SCN10A: variants seen among roughly 807,000 people sequenced by gnomAD.
SCN10A encodes sodium channel protein type 10 subunit alpha.
SCN10A carries 162 observed loss-of-function variants against 170.7 expected under a neutral mutation model. That is an observed-to-expected ratio of 0.95 (90% CI 0.84 to 1.08). The LOEUF is 1.08. Among genes scored for constraint, SCN10A ranks in the 50% least tolerant of loss-of-function variants. The pLI, the probability that SCN10A is intolerant of heterozygous loss-of-function variation, is 0.00. For synonymous variants in SCN10A, 985 were observed against 904.6 expected, an observed-to-expected ratio of 1.09 and a Z score of -1.59; for missense variants, 2,527 against 2,436.9, an observed-to-expected ratio of 1.04 and a Z score of -0.78.
At chr3:38,801,066 G>A (rs907143886) in intron 1 of SCN10A, among the ~76,000 whole-genome samples, 4 of 152,162 alleles carry the variant, frequency 2.6e-5, no homozygotes, top group African/African-American at 9.7e-5. Context: ...GTGAATAAGG[G>A]TGACAGTGAG....
At chr3:38,743,732 C>T (rs1371726084) in intron 13 of SCN10A, among the ~76,000 whole-genome samples, 2 of 152,100 alleles carry the variant, frequency 1.3e-5, no homozygotes, top group East Asian at 3.9e-4. Flanking sequence ...TTTTGTCTCC[C>T]TTTTCCTTTC....
chr3:38,806,199 A>G (rs2064403519), intron 1 of SCN10A, among the ~76,000 whole-genome samples: 1 of 152,192 alleles, frequency 6.6e-6, no homozygotes, highest in South Asian at 2.1e-4. Context: ...AGTTTGGAGA[A>G]GAAAGTGCCT....
chr3:38,787,824 C>T (rs2064226248), intron 4 of SCN10A, among the ~76,000 whole-genome samples: 1 of 151,662 alleles, frequency 6.6e-6, no homozygotes, highest in South Asian at 2.1e-4. Flanking sequence ...CTCCCCTAGC[C>T]CCCCACCCCT....
intron 15 of SCN10A, among the ~76,000 whole-genome samples, chr3:38,736,973 T>TTTTTTTTTTTTTTTTTTTTG (rs2063570110): frequency 1.0e-5 from 1 of 100,198 alleles, no homozygotes. Context: ...GTTTTTTTTT[T>TTTTTTTTTTTTTTTTTTTTG]TTTTTTTTTT....
chr3:38,762,543 C>T (rs1195021260), intron 6 of SCN10A, among the ~76,000 whole-genome samples: 1 of 152,150 alleles, frequency 6.6e-6, no homozygotes, highest in East Asian at 1.9e-4. Context: ...ATTTGCAGAA[C>T]CGTAGGTGGA....
At position 38,712,285 on chromosome 3, in the gene SCN10A, G is replaced by A. The variant is rs1295637022; in HGVS notation, c.3965C>T (p.Pro1322Leu). 1.9e-6 allele frequency: 3 copies of A among 1,614,044 alleles called. No homozygotes were observed. Among genetic ancestry groups the A allele is most frequent in the Non-Finnish European group, 2.5e-6 (3 of 1,180,020 alleles). ...AGACTTGTTATTCACAATCGACAAA[G>A]GTACAAGGGAAAACTCTCCATCGGT... ...NYTDGEFSLV[P>L]LSIVNNKSDC... Residue 1322 changes from proline (P) to leucine (L), a missense_variant, in exon 23 of 28, where the codon CCT (proline) becomes CTT (leucine). Pro to Leu is a moderately conservative substitution (Grantham distance 98). Coordinates refer to ENST00000449082, the MANE Select transcript of SCN10A (RefSeq NM_006514.4).
intron 4 of SCN10A, among the ~76,000 whole-genome samples, chr3:38,788,057 T>C (rs1249682305): frequency 2.0e-5 from 3 of 152,028 alleles, no homozygotes; most frequent in Non-Finnish European, 4.4e-5. Context: ...TATTCCCTTC[T>C]ATTTCAACTT....
intron 16 of SCN10A, among the ~76,000 whole-genome samples, chr3:38,727,925 G>T (rs946391637): frequency 2.0e-5 from 3 of 152,152 alleles, no homozygotes. Context: ...ACATGGAGTA[G>T]ATTTTGTTAT....
intron 4 of SCN10A, among the ~76,000 whole-genome samples, chr3:38,782,157 T>C (rs2064145993): frequency 6.6e-6 from 1 of 152,126 alleles, no homozygotes. Context: ...TCTTTATTTG[T>C]CAACTTTAAA....
intron 13 of SCN10A, among the ~76,000 whole-genome samples, chr3:38,745,838 T>A (rs2063679994): frequency 1.3e-5 from 2 of 151,928 alleles, no homozygotes; most frequent in Admixed American, 1.3e-4. Flanking sequence ...TTCTTCTAGA[T>A]CTTTTCCTAT....
At chr3:38,751,025 C>A (rs749045802) in intron 12 of SCN10A, among the ~76,000 whole-genome samples, 6 of 152,178 alleles carry the variant, frequency 3.9e-5, no homozygotes, top group Non-Finnish European at 7.3e-5. Flanking sequence ...GGGAGGGAGA[C>A]CTGTACAAAA....
intron 25 of SCN10A, among the ~76,000 whole-genome samples, chr3:38,709,274 T>A (rs1407224488): frequency 1.3e-5 from 2 of 152,066 alleles, no homozygotes; most frequent in African/African-American, 4.8e-5. Context: ...GAATCCTGAG[T>A]GAGGATGTTA....
intron 23 of SCN10A, among the ~76,000 whole-genome samples, chr3:38,711,299 A>T (rs11710006): frequency 0.25 from 38,479 of 152,102 alleles, 5,037 homozygotes; most frequent in East Asian, 0.4. Context: ...TATCTTCCAG[A>T]TGGAGAAGTT....
chr3:38,707,786 A>G (rs751707408), intron 25 of SCN10A, among the ~76,000 whole-genome samples: 1 of 152,100 alleles, frequency 6.6e-6, no homozygotes, highest in Non-Finnish European at 1.5e-5. Context: ...TTTCCTGAGG[A>G]CCTTGAAGCA....
At chr3:38,761,835 TGTGAGAGAGA>T (rs1157537908) in intron 6 of SCN10A, among the ~76,000 whole-genome samples, 10 of 132,004 alleles carry the variant, frequency 7.6e-5, no homozygotes, top group Non-Finnish European at 1.5e-4. Flanking sequence ...TGTGTGTGTG[TGTGAGAGAGA>T]GAGAGAGAGA....
rs535817837 is a variant in SCN10A, at chr3:38,746,319, C to T, written c.1867+3754G>A. ...ATATCTTAAGGCACTTATACCAGAA[C>T]CATATGCATCATCAAGTCCTGAATC... On this transcript the variant is annotated intron_variant, in intron 13 of 27. Coordinates refer to ENST00000449082, the MANE Select transcript of SCN10A (RefSeq NM_006514.4). 3.3e-5 allele frequency among the ~76,000 whole-genome samples: 5 copies of T among 151,818 alleles called. No individual in the cohort carries two copies. In the East Asian group the frequency reaches 5.8e-4, roughly 18 times the overall value.
chr3:38,725,367 T>C, intron 17 of SCN10A, 53 bp from the exon 18 acceptor site: 1 of 1,495,030 alleles, frequency 6.7e-7, no homozygotes, highest in Non-Finnish European at 9.0e-7. Context: ...AGATGACCAG[T>C]TCTAAATTTG....
At chr3:38,746,200 T>C (rs2063689164) in intron 13 of SCN10A, among the ~76,000 whole-genome samples, 1 of 150,368 alleles carries the variant, frequency 6.7e-6, no homozygotes, top group African/African-American at 2.4e-5. Flanking sequence ...AAACCCAATA[T>C]ATCCCAGACT....
chr3:38,742,556 C>T, intron 13 of SCN10A, 27 bp from the exon 14 acceptor site: 2 of 1,583,584 alleles, frequency 1.3e-6, no homozygotes, highest in Non-Finnish European at 1.7e-6. Context: ...TCAATGACAG[C>T]TGTCAGCCAT....
Sources: gnomAD v4.1 joint callset for allele counts (sites outside exome capture counted in the v4.1 genomes callset) on GRCh38, gnomAD v4.1.1 for gene constraint, MANE v1.5 for transcripts, NCBI Gene and HGNC (gene_info 2026-07-23, HGNC 2026-07-21) for gene names.